TMEM163: variants seen among roughly 807,000 people sequenced by gnomAD.
The protein encoded by TMEM163 is transmembrane protein 163.
TMEM163 carries 17 observed loss-of-function variants against 29.3 expected under a neutral mutation model. The ratio of observed to expected loss-of-function variants is 0.58; its 90% CI spans 0.40 to 0.87. The LOEUF (loss-of-function observed/expected upper bound fraction) is 0.87. TMEM163 is among the 40% of genes least tolerant of loss of function. The pLI, the probability that TMEM163 is intolerant of heterozygous loss-of-function variation, is 0.00. For missense variants in TMEM163, 303 were observed against 381.5 expected, an observed-to-expected ratio of 0.79 and a Z score of 1.71; for synonymous variants, 157 against 160.6, an observed-to-expected ratio of 0.98 and a Z score of 0.17.
In TMEM163 at chr2:134,460,228, A is replaced by T. The variant is rs987718372; in HGVS notation, c.668-2055T>A. 1.3e-5 allele frequency among the ~76,000 whole-genome samples: 2 copies of T among 151,828 alleles called. No homozygotes were observed. The highest frequency in any genetic ancestry group is 4.8e-5 in the African/African-American group (2 of 41,326). On this transcript the variant is annotated intron_variant, in intron 6 of 7. Coordinates refer to ENST00000281924, the MANE Select transcript of TMEM163 (RefSeq NM_030923.5). The surrounding 1 kb of genome is among the most constrained non-coding windows in gnomAD (Gnocchi z 4.3). ...CAGGAAAGCCCCCGTCACGGGCTCA[A>T]ATCCCACCAGACCCCTCACATCCAG...
intron 5 of TMEM163, among the ~76,000 whole-genome samples, chr2:134,500,740 C>T (rs1679679643): frequency 6.6e-6 from 1 of 151,916 alleles, no homozygotes; most frequent in South Asian, 2.1e-4. Context: ...AGACAAGCAT[C>T]ACATGTTTTC....
rs1029011064 is a variant in TMEM163 at position 134,460,220 on chromosome 2, C to T, written c.668-2047G>A. Among the ~76,000 whole-genome samples the T allele has an allele frequency of 7.2e-5, 11 of 152,116 alleles. No individual in the cohort carries two copies. The highest frequency in any genetic ancestry group is 4.2e-4 in the South Asian group (2 of 4,814). ...CTCTCCCGCAGGAAAGCCCCCGTCA[C>T]GGGCTCAAATCCCACCAGACCCCTC... is the stretch of plus-strand genomic sequence containing the variant. On this transcript the variant is annotated intron_variant, in intron 6 of 7. Transcript: ENST00000281924. This position sits in a 1 kb window ranked among gnomAD's most constrained non-coding sequence, Gnocchi z 4.3.
At chr2:134,614,102 A>G (rs898612396) in intron 2 of TMEM163, among the ~76,000 whole-genome samples, 2 of 152,204 alleles carry the variant, frequency 1.3e-5, no homozygotes, top group Non-Finnish European at 2.9e-5. Flanking sequence ...AATCAACACA[A>G]TATAATACTG....
At chr2:134,684,916 C>T (rs1414352467) in intron 2 of TMEM163, among the ~76,000 whole-genome samples, 9 of 138,076 alleles carry the variant, frequency 6.5e-5, no homozygotes, top group African/African-American at 2.3e-4. Context: ...GAGCAAGACC[C>T]TGTCTCAAAA....
At chr2:134,508,291 C>G (rs112619576) in intron 4 of TMEM163, among the ~76,000 whole-genome samples, 1 of 152,194 alleles carries the variant, frequency 6.6e-6, no homozygotes, top group South Asian at 2.1e-4. Context: ...TGGTGATTAA[C>G]CAATTCATCC....
At chr2:134,703,689 C>T (rs1684748700) in intron 2 of TMEM163, among the ~76,000 whole-genome samples, 2 of 151,808 alleles carry the variant, frequency 1.3e-5, no homozygotes, top group Non-Finnish European at 2.9e-5. Flanking sequence ...TAAGAGTTAG[C>T]ATTGGAACCC....
intron 2 of TMEM163, among the ~76,000 whole-genome samples, chr2:134,695,522 A>G (rs1249746870): frequency 6.6e-6 from 1 of 152,192 alleles, no homozygotes; most frequent in Non-Finnish European, 1.5e-5. Flanking sequence ...AACAAATACT[A>G]TAAAAACTGT....
At chr2:134,690,972 G>A (rs1379893875) in intron 2 of TMEM163, among the ~76,000 whole-genome samples, 1 of 152,200 alleles carries the variant, frequency 6.6e-6, no homozygotes, top group Non-Finnish European at 1.5e-5. Context: ...GGCAATCGGT[G>A]CCCCAGGGGT....
intron 2 of TMEM163, among the ~76,000 whole-genome samples, chr2:134,632,255 C>T (rs1682984426): frequency 6.6e-6 from 1 of 152,190 alleles, no homozygotes; most frequent in Admixed American, 6.5e-5. Flanking sequence ...GCAAGAAAAA[C>T]CAGAGGCCAT....
chr2:134,547,329 T>C (rs1680814933), intron 4 of TMEM163, among the ~76,000 whole-genome samples: 1 of 152,164 alleles, frequency 6.6e-6, no homozygotes. Context: ...CCCCATCATA[T>C]CCACAGTAGG....
intron 2 of TMEM163, among the ~76,000 whole-genome samples, chr2:134,610,170 CTGGT>C (rs536563850): frequency 1.2e-3 from 188 of 152,370 alleles, no homozygotes; most frequent in Middle Eastern, 0.01. Flanking sequence ...GCCGTAAACA[CTGGT>C]GACCGGATGG....
chr2:134,572,308 T>C (rs549644040), intron 2 of TMEM163, among the ~76,000 whole-genome samples: 1 of 152,290 alleles, frequency 6.6e-6, no homozygotes, highest in East Asian at 1.9e-4. Flanking sequence ...GACTGCAAAT[T>C]GATGTGAAAA....
intron 2 of TMEM163, among the ~76,000 whole-genome samples, chr2:134,584,917 A>G (rs1681780163): frequency 1.3e-5 from 2 of 152,204 alleles, no homozygotes; most frequent in Admixed American, 1.3e-4. Context: ...TAAGCAGCAG[A>G]GTCCAATGCC....
intron 2 of TMEM163, among the ~76,000 whole-genome samples, chr2:134,609,855 G>A (rs1160568888): frequency 6.8e-6 from 1 of 147,420 alleles, no homozygotes. Context: ...GTGAAAAGGA[G>A]GACAGATCCC....
chr2:134,567,189 C>T (rs1207842324), intron 2 of TMEM163, among the ~76,000 whole-genome samples: 1 of 152,144 alleles, frequency 6.6e-6, no homozygotes, highest in African/African-American at 2.4e-5. Flanking sequence ...TGCTCCACAA[C>T]CAAAGAAAGC....
chr2:134,595,924 G>A (rs1227187965), intron 2 of TMEM163, among the ~76,000 whole-genome samples: 3 of 152,234 alleles, frequency 2.0e-5, no homozygotes, highest in Non-Finnish European at 4.4e-5. Flanking sequence ...CTTTTGAGAA[G>A]TGTCAGTTCA....
chr2:134,510,521 T>A (rs938832140), intron 4 of TMEM163, among the ~76,000 whole-genome samples: 1 of 152,008 alleles, frequency 6.6e-6, no homozygotes, highest in African/African-American at 2.4e-5. Context: ...GAAAGCAAAC[T>A]GATGACTCTA....
chr2:134,470,392 T>C (rs2106475974), intron 5 of TMEM163, among the ~76,000 whole-genome samples: 1 of 150,830 alleles, frequency 6.6e-6, no homozygotes, highest in Middle Eastern at 3.4e-3. Flanking sequence ...GGATGTGTCA[T>C]GGGGTCAAAC....
intron 4 of TMEM163, among the ~76,000 whole-genome samples, chr2:134,510,857 G>C (rs538848933): frequency 1.2e-4 from 18 of 152,302 alleles, no homozygotes; most frequent in African/African-American, 4.1e-4. Context: ...TTTCAGGGTG[G>C]AGGGGAATGG....
Sources: allele counts gnomAD v4.1 joint callset (sites outside exome capture counted in the v4.1 genomes callset), GRCh38; gene constraint gnomAD v4.1.1; non-coding constraint Gnocchi (gnomAD v3.1); transcripts MANE v1.5; gene names NCBI Gene and HGNC (gene_info 2026-07-23, HGNC 2026-07-21).